The following KDM4C variants were observed in gnomAD, a reference collection of about 807,000 sequenced individuals.
KDM4C encodes lysine-specific demethylase 4C.
In KDM4C, 81 loss-of-function variants were observed where a neutral mutation model predicts 129.3. The ratio of observed to expected loss-of-function variants is 0.63; its 90% CI spans 0.52 to 0.75. The LOEUF (loss-of-function observed/expected upper bound fraction) is 0.75, where lower values mean the gene tolerates loss of function less well. Among genes scored for constraint, KDM4C ranks in the 30% least tolerant of loss-of-function variants. The pLI, the probability that KDM4C is intolerant of heterozygous loss-of-function variation, is 0.00. For synonymous variants in KDM4C, 573 were observed against 456.1 expected, an observed-to-expected ratio of 1.26 and a Z score of -3.26; for missense variants, 1,457 against 1,304.0, an observed-to-expected ratio of 1.12 and a Z score of -1.81.
chr9:6,792,956 A>C lies in KDM4C; in HGVS notation c.-17-16A>C. ...ATAATAATTCAGTTCTGTTGACCCT[A>C]CTGTCTTCTCTCCAGACACTGCCCT... is the stretch of plus-strand genomic sequence containing the variant. On this transcript the variant is annotated splice_polypyrimidine_tract_variant and intron_variant, in intron 1 of 21. Transcript: ENST00000381309. The C allele has an allele frequency of 6.2e-7, 1 of 1,613,264 alleles. No homozygotes were observed. Among genetic ancestry groups the C allele is most frequent in the Non-Finnish European group, 8.5e-7 (1 of 1,179,536 alleles).
At chr9:6,868,953 T>C (rs946422383) in intron 5 of KDM4C, among the ~76,000 whole-genome samples, 1 of 152,196 alleles carries the variant, frequency 6.6e-6, no homozygotes, top group Non-Finnish European at 1.5e-5. Flanking sequence ...CTAGGTAATA[T>C]AAAATATATT....
chr9:7,054,776 A>T (rs1384669062), intron 17 of KDM4C, among the ~76,000 whole-genome samples: 1 of 152,238 alleles, frequency 6.6e-6, no homozygotes, highest in Non-Finnish European at 1.5e-5. Flanking sequence ...TAAATAAGCC[A>T]GCAGAGCAGG....
chr9:7,022,919 T>C (rs1018403357), intron 15 of KDM4C, among the ~76,000 whole-genome samples: 2 of 152,204 alleles, frequency 1.3e-5, no homozygotes, highest in Non-Finnish European at 2.9e-5. Flanking sequence ...CGGTTTTTGT[T>C]CTTCATTCTA....
At chr9:6,814,260 G>T (rs143794493) in intron 3 of KDM4C, among the ~76,000 whole-genome samples, 1 of 152,042 alleles carries the variant, frequency 6.6e-6, no homozygotes, top group Non-Finnish European at 1.5e-5. Context: ...TTGTTTGTCA[G>T]TGTTTCTCTA....
chr9:6,786,281 T>A (rs1315417103), intron 1 of KDM4C, among the ~76,000 whole-genome samples: 1 of 152,238 alleles, frequency 6.6e-6, no homozygotes, highest in Non-Finnish European at 1.5e-5. Flanking sequence ...TAGATGTTTG[T>A]CCTTTATCAT....
intron 19 of KDM4C, among the ~76,000 whole-genome samples, chr9:7,151,322 G>A (rs1011581114): frequency 6.6e-6 from 1 of 152,088 alleles, no homozygotes; most frequent in Non-Finnish European, 1.5e-5. Context: ...GTTTGAGTAA[G>A]CAAGATGGGC....
Position 7,174,915 on chromosome 9 carries a change from G to C in KDM4C, c.*186G>C. 2.0e-6 allele frequency: 1 copy of C among 508,136 alleles called. No individual in the cohort carries two copies. Among genetic ancestry groups the C allele is most frequent in the South Asian group, 3.6e-5 (1 of 27,888 alleles). The allele number at this position is 508,136 out of a possible 1,614,324, so 31.5% of individuals were successfully genotyped here. On this transcript the variant is annotated 3_prime_UTR_variant, in exon 22 of 22. Transcript: ENST00000381309. ...AAATACACCCAATGAATTGGACGCA[G>C]CAATCTGAAATCATCTCTAGTCTTG... is the stretch of plus-strand genomic sequence containing the variant.
chr9:7,149,167 G>C (rs548280870), intron 19 of KDM4C, among the ~76,000 whole-genome samples: 2 of 152,234 alleles, frequency 1.3e-5, no homozygotes, highest in Non-Finnish European at 2.9e-5. Flanking sequence ...CACCCAAAAT[G>C]TCAGCCTCAG....
chr9:7,060,193 C>A (rs917661693), intron 17 of KDM4C, among the ~76,000 whole-genome samples: 1 of 150,082 alleles, frequency 6.7e-6, no homozygotes. Context: ...TTCTCTTGTT[C>A]CTTATTTTAT....
chr9:6,854,535 A>C (rs28377674), intron 5 of KDM4C, among the ~76,000 whole-genome samples: 16,602 of 147,402 alleles, frequency 0.11, 1,116 homozygotes, highest in East Asian at 0.26. Context: ...CAAAAAAAAA[A>C]AAAAAAAAAA....
chr9:6,805,085 G>C (rs1177104899), intron 2 of KDM4C, among the ~76,000 whole-genome samples: 1 of 152,070 alleles, frequency 6.6e-6, no homozygotes, highest in Non-Finnish European at 1.5e-5. Flanking sequence ...ATTTTTAGTA[G>C]AGGCGGGGTT....
chr9:6,823,110 C>T (rs936523098), intron 4 of KDM4C, among the ~76,000 whole-genome samples: 4 of 152,216 alleles, frequency 2.6e-5, no homozygotes, highest in African/African-American at 9.6e-5. Flanking sequence ...CCTTCATAAT[C>T]TATAACCCTA....
At chr9:6,876,553 G>A (rs985493250) in intron 5 of KDM4C, among the ~76,000 whole-genome samples, 2 of 152,196 alleles carry the variant, frequency 1.3e-5, no homozygotes, top group African/African-American at 2.4e-5. Context: ...GCACCTTGCT[G>A]TTTTGTTGTC....
rs78886568 is a variant in KDM4C at position 6,840,718 on chromosome 9, A to G, written c.436-8789A>G. ...AGCCCTCTGTTCTAATTTTCAAATA[A>G]GGAGTCCTGTAAGTTACTGACTGGG... On this transcript the variant is annotated intron_variant, in intron 4 of 21. Coordinates refer to ENST00000381309, the MANE Select transcript of KDM4C (RefSeq NM_015061.6). Among the ~76,000 whole-genome samples the G allele has an allele frequency of 9.2e-3, 1,395 of 152,312 alleles. 20 individuals are homozygous for G. The highest frequency in any genetic ancestry group is 0.031 in the African/African-American group (1,291 of 41,572).
chr9:6,874,591 T>A (rs1843285155), intron 5 of KDM4C, among the ~76,000 whole-genome samples: 1 of 152,220 alleles, frequency 6.6e-6, no homozygotes, highest in African/African-American at 2.4e-5. Context: ...TGGCAGCTGC[T>A]ACAATTCATG....
intron 4 of KDM4C, among the ~76,000 whole-genome samples, chr9:6,826,080 G>A (rs977425829): frequency 6.6e-6 from 1 of 152,266 alleles, no homozygotes. Context: ...TCAAAGTTAC[G>A]GGATTACTGG....
At chr9:6,986,964 G>A in intron 11 of KDM4C, 1 of 281,618 alleles carries the variant, frequency 3.6e-6, no homozygotes, top group Non-Finnish European at 6.7e-6. Context: ...TGCAGTTGTG[G>A]GAAATAGTGC....
intron 8 of KDM4C, among the ~76,000 whole-genome samples, chr9:6,894,988 T>G (rs1846633854): frequency 6.6e-6 from 1 of 152,094 alleles, no homozygotes; most frequent in Admixed American, 6.5e-5. Flanking sequence ...GCTATGACTG[T>G]TTTGTTTGGT....
intron 12 of KDM4C, among the ~76,000 whole-genome samples, chr9:6,995,802 G>T (rs191968039): frequency 6.6e-6 from 1 of 152,038 alleles, no homozygotes; most frequent in Non-Finnish European, 1.5e-5. Flanking sequence ...CTCCCAAGTA[G>T]CTGGGACTAC....
Sources: gnomAD v4.1 joint callset for allele counts (sites outside exome capture counted in the v4.1 genomes callset) on GRCh38, gnomAD v4.1.1 for gene constraint, MANE v1.5 for transcripts, NCBI Gene and HGNC (gene_info 2026-07-23, HGNC 2026-07-21) for gene names.